BTBD9: variants seen among roughly 807,000 people sequenced by gnomAD.
BTBD9 encodes BTB domain containing 9.
Under a neutral mutation model 64.3 loss-of-function variants are expected in BTBD9, and 49 were observed. That is an observed-to-expected ratio of 0.76 (90% CI 0.61 to 0.97). BTBD9 has a LOEUF of 0.97. Ranked by LOEUF, BTBD9 falls within the 50% of genes least tolerant of loss-of-function variation. The probability of loss-of-function intolerance (pLI) is 0.00; values close to 1 mark genes in which losing one functional copy is unlikely to be tolerated. For missense variants in BTBD9, 598 were observed against 762.1 expected (o/e 0.78, Z 2.53); for synonymous variants, 260 against 274.7 (o/e 0.95, Z 0.53).
intron 6 of BTBD9, among the ~76,000 whole-genome samples, chr6:38,465,646 C>T (rs1404311922): frequency 1.4e-5 from 2 of 139,690 alleles, no homozygotes; most frequent in South Asian, 2.3e-4. Flanking sequence ...GAGACCACGC[C>T]ACTGCACTCC....
At chr6:38,350,963 TTTC>T (rs1257545449) in intron 6 of BTBD9, among the ~76,000 whole-genome samples, 1 of 152,216 alleles carries the variant, frequency 6.6e-6, no homozygotes. Context: ...AGTGTAAAAT[TTTC>T]TTCTAGTTCT....
At chr6:38,179,626 C>T in intron 10 of BTBD9, 1 of 456,778 alleles carries the variant, frequency 2.2e-6, no homozygotes, top group South Asian at 1.5e-5. Context: ...AGAGGCACCT[C>T]TGTGCAGGGG....
chr6:38,524,284 T>C (rs938603379), intron 6 of BTBD9, among the ~76,000 whole-genome samples: 10 of 152,158 alleles, frequency 6.6e-5, no homozygotes, highest in Admixed American at 2.6e-4. Context: ...TGAGTTTCCA[T>C]TTCCAAATGA....
At chr6:38,550,843 C>A (rs1488931970) in intron 6 of BTBD9, among the ~76,000 whole-genome samples, 5 of 152,112 alleles carry the variant, frequency 3.3e-5, no homozygotes. Flanking sequence ...GGCTCAATAC[C>A]CTCCAGTGGC....
chr6:38,328,600 TGTGTGTGTGTG>T (rs1220683575), intron 7 of BTBD9, among the ~76,000 whole-genome samples: 1 of 150,080 alleles, frequency 6.7e-6, no homozygotes, highest in Non-Finnish European at 1.5e-5. Flanking sequence ...TGTGTGTGTG[TGTGTGTGTGTG>T]TTTTATGGCT....
At chr6:38,536,425 T>C (rs1169157015) in intron 6 of BTBD9, among the ~76,000 whole-genome samples, 1 of 152,158 alleles carries the variant, frequency 6.6e-6, no homozygotes, top group African/African-American at 2.4e-5. Context: ...TGGAGATTCC[T>C]CACAAAACTA....
chr6:38,422,949 C>G (rs975940520), intron 6 of BTBD9, among the ~76,000 whole-genome samples: 3 of 151,994 alleles, frequency 2.0e-5, no homozygotes, highest in Non-Finnish European at 2.9e-5. Flanking sequence ...CATAGTGAGA[C>G]CTCATCTCTA....
chr6:38,329,706 A>G (rs1341804130), intron 7 of BTBD9, among the ~76,000 whole-genome samples: 1 of 152,088 alleles, frequency 6.6e-6, no homozygotes, highest in Admixed American at 6.5e-5. Flanking sequence ...TGTAATCTTA[A>G]CACTTTGGGA....
intron 6 of BTBD9, among the ~76,000 whole-genome samples, chr6:38,384,770 G>T (rs944350881): frequency 1.3e-5 from 2 of 152,192 alleles, no homozygotes; most frequent in Non-Finnish European, 2.9e-5. Flanking sequence ...CCTCTAGGGT[G>T]CACAGGGAAT....
chr6:38,594,343 G>C lies in BTBD9; in HGVS notation c.186-16C>G, dbSNP rs1360263601. 1.3e-6 allele frequency: 2 copies of C among 1,565,316 alleles called. No homozygotes were observed. The highest frequency in any genetic ancestry group is 1.7e-6 in the Non-Finnish European group (2 of 1,154,634). ...TAATAATGCTCTGCACATCAGGGAA[G>C]AAACACATGAAGAAACCCTCAAATA... On this transcript the variant is annotated splice_polypyrimidine_tract_variant and intron_variant, in intron 2 of 10. Coordinates refer to ENST00000481247, the MANE Select transcript of BTBD9 (RefSeq NM_001099272.2).
intron 6 of BTBD9, among the ~76,000 whole-genome samples, chr6:38,571,974 TCACACA>T (rs3047794): frequency 6.8e-6 from 1 of 147,990 alleles, no homozygotes; most frequent in Non-Finnish European, 1.5e-5. Context: ...AAAGAAACAA[TCACACA>T]CACACACACA....
intron 6 of BTBD9, among the ~76,000 whole-genome samples, chr6:38,371,785 T>C (rs1404505726): frequency 6.6e-6 from 1 of 152,156 alleles, no homozygotes; most frequent in African/African-American, 2.4e-5. Context: ...ATAAGTATGG[T>C]GTGACTGTTT....
intron 6 of BTBD9, among the ~76,000 whole-genome samples, chr6:38,479,611 A>C (rs931745299): frequency 3.3e-5 from 5 of 152,218 alleles, no homozygotes; most frequent in Admixed American, 2.0e-4. Context: ...TGACTGGGCC[A>C]CCAAGTCCCA....
intron 6 of BTBD9, among the ~76,000 whole-genome samples, chr6:38,412,894 G>A (rs149019486): frequency 7.9e-5 from 12 of 151,834 alleles, no homozygotes; most frequent in African/African-American, 1.9e-4. Flanking sequence ...CAAAACAGTC[G>A]GAAATTTTGT....
intron 9 of BTBD9, among the ~76,000 whole-genome samples, chr6:38,216,134 G>A (rs1340040082): frequency 6.6e-6 from 1 of 152,194 alleles, no homozygotes; most frequent in African/African-American, 2.4e-5. Context: ...TCACAAAGGG[G>A]AAACACACTC....
At chr6:38,251,891 CAA>C (rs534067503) in intron 9 of BTBD9, among the ~76,000 whole-genome samples, 31 of 73,132 alleles carry the variant, frequency 4.2e-4, no homozygotes, top group Non-Finnish European at 5.6e-4. Context: ...GACTCTGTCT[CAA>C]AAAAAAAAAA....
At chr6:38,464,339 G>A (rs1204427781) in intron 6 of BTBD9, among the ~76,000 whole-genome samples, 3 of 151,332 alleles carry the variant, frequency 2.0e-5, no homozygotes, top group Non-Finnish European at 2.9e-5. Context: ...TTTACTAAGT[G>A]ACATTGATTG....
At chr6:38,214,645 C>T (rs1242021104) in intron 9 of BTBD9, among the ~76,000 whole-genome samples, 2 of 152,024 alleles carry the variant, frequency 1.3e-5, no homozygotes, top group Non-Finnish European at 2.9e-5. Flanking sequence ...ATCCTAATTC[C>T]CCTCAAACCA....
chr6:38,212,295 G>T (rs1423385369), intron 9 of BTBD9, among the ~76,000 whole-genome samples: 1 of 152,206 alleles, frequency 6.6e-6, no homozygotes, highest in Non-Finnish European at 1.5e-5. Flanking sequence ...ACACTGGTCT[G>T]TGCTGAGGGG....
Sources: gnomAD v4.1 joint callset for allele counts (sites outside exome capture counted in the v4.1 genomes callset) on GRCh38, gnomAD v4.1.1 for gene constraint, MANE v1.5 for transcripts, NCBI Gene and HGNC (gene_info 2026-07-23, HGNC 2026-07-21) for gene names.